The following PTAFR variants were observed in gnomAD, a reference collection of about 807,000 sequenced individuals.
The protein encoded by PTAFR is platelet-activating factor receptor.
A neutral mutation model predicts 14.7 loss-of-function variants in PTAFR; 8 were observed. The observed-to-expected ratio is 0.54, with a 90% CI of 0.32 to 0.98. PTAFR has a LOEUF of 0.98. Among genes scored for constraint, PTAFR ranks in the 50% least tolerant of loss-of-function variants. The probability of loss-of-function intolerance (pLI) is 0.04; values close to 1 mark genes in which losing one functional copy is unlikely to be tolerated. For missense variants in PTAFR, 337 were observed against 451.2 expected, an observed-to-expected ratio of 0.75 and a Z score of 2.29; for synonymous variants, 156 against 176.5, an observed-to-expected ratio of 0.88 and a Z score of 0.92.
rs1177751749 is a variant in PTAFR at position 28,148,230 on chromosome 1, C to G, written c.*1763G>C. On this transcript the variant is annotated 3_prime_UTR_variant, in exon 2 of 2. Coordinates refer to ENST00000373857, the MANE Select transcript of PTAFR (RefSeq NM_000952.5). Reference sequence around the variant, plus strand: ...AGGAGGCTCATTTGCATATACTTGCCAAAAATCACAAGCAGACATCTAGAG... The same window carrying G: ...AGGAGGCTCATTTGCATATACTTGCGAAAAATCACAAGCAGACATCTAGAG... The G allele has an allele frequency of 6.6e-6, 1 of 152,124 alleles. No individual in the cohort carries two copies. The highest frequency in any genetic ancestry group is 1.5e-5 in the Non-Finnish European group (1 of 68,056). The allele number at this position is 152,124 out of a possible 1,614,324, so 9.4% of individuals were successfully genotyped here.
intron 1 of PTAFR, among the ~76,000 whole-genome samples, chr1:28,154,106 A>G (rs76082645): frequency 1.4e-5 from 2 of 141,260 alleles, no homozygotes; most frequent in Non-Finnish European, 1.5e-5. Context: ...AAAAAAAAAA[A>G]GGGAGTGAGA....
At chr1:28,154,937 A>G (rs907036919) in intron 1 of PTAFR, among the ~76,000 whole-genome samples, 1 of 152,062 alleles carries the variant, frequency 6.6e-6, no homozygotes, top group Non-Finnish European at 1.5e-5. Context: ...AGAGCAGAAC[A>G]TTCCAGGCAG....
At chr1:28,192,836 A>G (rs1469812134) in intron 1 of PTAFR, among the ~76,000 whole-genome samples, 1 of 151,976 alleles carries the variant, frequency 6.6e-6, no homozygotes, top group Non-Finnish European at 1.5e-5. Flanking sequence ...TAGTAGAAAC[A>G]TGGTTTCACC....
chr1:28,158,465 C>T (rs1249559398), intron 1 of PTAFR, among the ~76,000 whole-genome samples: 1 of 152,252 alleles, frequency 6.6e-6, no homozygotes. Context: ...TTCGGGAGGC[C>T]GAAGCGGGTG....
At chr1:28,187,764 T>C (rs1462562559) in intron 1 of PTAFR, among the ~76,000 whole-genome samples, 1 of 152,148 alleles carries the variant, frequency 6.6e-6, no homozygotes, top group African/African-American at 2.4e-5. Context: ...ATTACGGGCG[T>C]GAGGCACCAT....
At chr1:28,158,500 C>T (rs1002463160) in intron 1 of PTAFR, among the ~76,000 whole-genome samples, 5 of 152,102 alleles carry the variant, frequency 3.3e-5, no homozygotes, top group Admixed American at 2.0e-4. Flanking sequence ...GAGTTTGAGA[C>T]CAGCCTGACC....
At position 28,147,933 on chromosome 1, in the gene PTAFR, G is replaced by C. The variant is rs1180077917; in HGVS notation, c.*2060C>G. On this transcript the variant is annotated 3_prime_UTR_variant, in exon 2 of 2. Coordinates refer to ENST00000373857, the MANE Select transcript of PTAFR (RefSeq NM_000952.5). ...CTTGTGTGATGCTGCACTAGCCACC[G>C]GGTCATCCCATCAGCCAAGTCCAGC... 6.6e-6 allele frequency: 1 copy of C among 152,340 alleles called. No homozygotes were observed. Among genetic ancestry groups the C allele is most frequent in the South Asian group, 2.1e-4 (1 of 4,806 alleles). 9.4% of individuals were successfully genotyped at this position (152,340 alleles called of 1,614,324 possible). A position where few individuals can be genotyped will look rare whatever the true frequency, so the allele number is the denominator to read the frequency against.
intron 1 of PTAFR, among the ~76,000 whole-genome samples, chr1:28,185,149 T>C (rs747234577): frequency 1.3e-5 from 2 of 152,210 alleles, no homozygotes; most frequent in Non-Finnish European, 2.9e-5. Context: ...ACATGTATTT[T>C]ATTTATTTAT....
In PTAFR at chr1:28,191,742, A is replaced by G. The variant is rs567641140; in HGVS notation, c.-39+1980T>C. Among the ~76,000 whole-genome samples the G allele has an allele frequency of 2.6e-4, 40 of 151,276 alleles. 1 individual carries two copies. The South Asian group carries it at 8.4e-3, about 32-fold the overall frequency. ...TGAACTTTTAACTTGCTAATTTGTT[A>G]ACTCTCTCTCTTTTTTTTTTTTAAT... On this transcript the variant is annotated intron_variant, in intron 1 of 1. Coordinates refer to the PTAFR transcript ENST00000305392.
chr1:28,162,096 T>C (rs1417928823), intron 1 of PTAFR, among the ~76,000 whole-genome samples: 1 of 152,022 alleles, frequency 6.6e-6, no homozygotes, highest in East Asian at 1.9e-4. Flanking sequence ...GGTAAGGAGT[T>C]GGGATTTTAT....
At chr1:28,157,162 C>A (rs1406579049) in intron 1 of PTAFR, among the ~76,000 whole-genome samples, 1 of 152,146 alleles carries the variant, frequency 6.6e-6, no homozygotes, top group Non-Finnish European at 1.5e-5. Context: ...ATTTTTGAGA[C>A]AGGGCTTGGC....
At chr1:28,169,993 C>G (rs542458844) in intron 1 of PTAFR, among the ~76,000 whole-genome samples, 1 of 140,520 alleles carries the variant, frequency 7.1e-6, no homozygotes, top group Non-Finnish European at 1.5e-5. Flanking sequence ...GAGCGAGACT[C>G]CATCTCAAAA....
intron 1 of PTAFR, among the ~76,000 whole-genome samples, chr1:28,166,747 T>G (rs1646390241): frequency 6.6e-6 from 1 of 150,890 alleles, no homozygotes; most frequent in Non-Finnish European, 1.5e-5. Context: ...GAGGCCTAGG[T>G]AGGAGGATTG....
intron 1 of PTAFR, among the ~76,000 whole-genome samples, chr1:28,164,131 C>G (rs1646356571): frequency 6.6e-6 from 1 of 152,160 alleles, no homozygotes; most frequent in Admixed American, 6.5e-5. Flanking sequence ...AGCTGGACAG[C>G]CAGAGAGGAG....
chr1:28,159,869 T>G (rs1310937309), intron 1 of PTAFR, among the ~76,000 whole-genome samples: 1 of 151,202 alleles, frequency 6.6e-6, no homozygotes, highest in Non-Finnish European at 1.5e-5. Flanking sequence ...AAATGCTGTG[T>G]GTGGACCTTG....
At chr1:28,176,942 G>A (rs1646521942), upstream of PTAFR, 4 of 152,624 alleles carry the variant, frequency 2.6e-5, no homozygotes, top group South Asian at 6.2e-4. Flanking sequence ...AAGGGAGCAT[G>A]AGAGTGAGAA....
At chr1:28,183,289 G>C (rs80188723) in intron 1 of PTAFR, among the ~76,000 whole-genome samples, 12 of 152,062 alleles carry the variant, frequency 7.9e-5, no homozygotes, top group African/African-American at 2.4e-4. Flanking sequence ...AGATGCTGGC[G>C]TAAAAGATGC....
intron 1 of PTAFR, among the ~76,000 whole-genome samples, chr1:28,186,012 C>T (rs1038601107): frequency 6.6e-6 from 1 of 152,080 alleles, no homozygotes; most frequent in Admixed American, 6.5e-5. Context: ...GAGTCTTATC[C>T]TGTCACCCAT....
intron 1 of PTAFR, among the ~76,000 whole-genome samples, chr1:28,157,127 AAAT>A (rs1163184723): frequency 9.9e-5 from 15 of 152,172 alleles, no homozygotes; most frequent in African/African-American, 3.6e-4. Context: ...CAATCAAGAT[AAAT>A]AATATTTTAT....
Sources: allele counts gnomAD v4.1 joint callset (sites outside exome capture counted in the v4.1 genomes callset), GRCh38; gene constraint gnomAD v4.1.1; transcripts MANE v1.5; gene names NCBI Gene and HGNC (gene_info 2026-07-23, HGNC 2026-07-21).